Variants in NEK7 observed in about 807,000 individuals in gnomAD.
The protein encoded by NEK7 is NIMA related kinase 7.
In NEK7, 18 loss-of-function variants were observed where a neutral mutation model predicts 44.6. The ratio of observed to expected loss-of-function variants is 0.40; its 90% CI spans 0.28 to 0.60. NEK7 has a LOEUF of 0.60. NEK7 is among the 20% of genes least tolerant of loss of function. The pLI is 0.38. For missense variants in NEK7, 256 were observed against 366.5 expected, an observed-to-expected ratio of 0.70 and a Z score of 2.46; for synonymous variants, 130 against 121.1, an observed-to-expected ratio of 1.07 and a Z score of -0.48.
In NEK7 at chr1:198,253,123, A is replaced by C; in HGVS notation, c.141A>C (p.Glu47Asp). Reference protein sequence around the residue: ...EKKIGRGQFSEVYRAACLLDG... With the variant: ...EKKIGRGQFSDVYRAACLLDG... The stretch of plus-strand genomic sequence containing the variant: ...AAATTGGTCGCGGACAATTTAGTGA[A>C]GTTTATAGAGCAGCCTGTCTCTTGG... Residue 47 changes from glutamate (E) to aspartate (D), a missense_variant, in exon 3 of 10, where the codon GAA becomes GAC. Around this residue, in one of 3 missense-constraint regions of NEK7, gnomAD observed 96 missense variants for 94.9 expected, o/e 1.01. Coordinates refer to ENST00000367385, the MANE Select transcript of NEK7 (RefSeq NM_133494.3). 1 of 1,612,478 alleles carries C rather than the reference A, an allele frequency of 6.2e-7. No homozygotes were observed. Among genetic ancestry groups the C allele is most frequent in the Non-Finnish European group, 8.5e-7 (1 of 1,178,734 alleles).
At chr1:198,293,820 A>G (rs1326682651) in intron 8 of NEK7, among the ~76,000 whole-genome samples, 3 of 151,900 alleles carry the variant, frequency 2.0e-5, no homozygotes, top group African/African-American at 7.2e-5. Flanking sequence ...GTTTTAATAA[A>G]GTGAGGAAAT....
At chr1:198,214,896 A>G (rs1449953217) in intron 1 of NEK7, among the ~76,000 whole-genome samples, 2 of 152,150 alleles carry the variant, frequency 1.3e-5, no homozygotes, top group African/African-American at 4.8e-5. Context: ...CCTAAAGTCA[A>G]TGTGAAAAAA....
At chr1:198,261,667 T>C (rs1304265147) in intron 3 of NEK7, among the ~76,000 whole-genome samples, 5 of 151,968 alleles carry the variant, frequency 3.3e-5, no homozygotes. Flanking sequence ...TAGATTTTTT[T>C]TGCAGTCTCT....
intron 2 of NEK7, among the ~76,000 whole-genome samples, chr1:198,232,896 A>T (rs1666441296): frequency 6.7e-6 from 1 of 149,758 alleles, no homozygotes; most frequent in Non-Finnish European, 1.5e-5. Flanking sequence ...TATTTATTTT[A>T]ATTGATACAG....
intron 1 of NEK7, among the ~76,000 whole-genome samples, chr1:198,195,831 T>C (rs1016510729): frequency 6.6e-6 from 1 of 152,016 alleles, no homozygotes; most frequent in Non-Finnish European, 1.5e-5. Context: ...AAAAAGAAAT[T>C]TAACCCGAAT....
chr1:198,294,035 T>C (rs1057019884), intron 8 of NEK7, among the ~76,000 whole-genome samples: 7 of 151,884 alleles, frequency 4.6e-5, no homozygotes, highest in Non-Finnish European at 8.9e-5. Flanking sequence ...AGTAGAGCAT[T>C]AGGAGGTGTT....
At chr1:198,316,443 TG>T (rs1655369172) in intron 9 of NEK7, among the ~76,000 whole-genome samples, 1 of 152,202 alleles carries the variant, frequency 6.6e-6, no homozygotes, top group Non-Finnish European at 1.5e-5. Flanking sequence ...GTCAGCTGTG[TG>T]GGTATCGATA....
intron 9 of NEK7, among the ~76,000 whole-genome samples, chr1:198,302,287 A>G (rs181651706): frequency 6.6e-6 from 1 of 151,840 alleles, no homozygotes; most frequent in East Asian, 1.9e-4. Context: ...ACTAATAAAT[A>G]TATTTTGGTT....
chr1:198,217,677 C>T (rs1027182682), intron 1 of NEK7, among the ~76,000 whole-genome samples: 5 of 151,752 alleles, frequency 3.3e-5, no homozygotes, highest in Admixed American at 1.3e-4. Flanking sequence ...TGATCTTATA[C>T]CTAGAAAACC....
chr1:198,207,514 G>A (rs1665632843), intron 1 of NEK7, among the ~76,000 whole-genome samples: 1 of 152,138 alleles, frequency 6.6e-6, no homozygotes. Flanking sequence ...ATTCAATGGA[G>A]TAGTACTCAG....
At position 198,321,810 on chromosome 1, in the gene NEK7, A is replaced by G. The variant is rs1323887034; in HGVS notation, c.*2288A>G. The stretch of plus-strand genomic sequence containing the variant: ...CTCTAATTTATATAGTCACCTATAA[A>G]ATGTTCTTTATATGTGTTCATAAGT... On this transcript the variant is annotated 3_prime_UTR_variant, in exon 10 of 10. Transcript: ENST00000367385. 1 of 152,148 alleles carries G rather than the reference A, an allele frequency of 6.6e-6. No individual in the cohort carries two copies. The highest frequency in any genetic ancestry group is 1.5e-5 in the Non-Finnish European group (1 of 67,980). 9.4% of individuals were successfully genotyped at this position (152,148 alleles called of 1,614,324 possible). A position where few individuals can be genotyped will look rare whatever the true frequency, so the allele number is the denominator to read the frequency against.
intron 9 of NEK7, among the ~76,000 whole-genome samples, chr1:198,303,183 G>T (rs183104694): frequency 6.6e-6 from 1 of 152,064 alleles, no homozygotes; most frequent in Non-Finnish European, 1.5e-5. Flanking sequence ...ATACATTTGA[G>T]TATGAAAAAC....
intron 9 of NEK7, among the ~76,000 whole-genome samples, chr1:198,310,094 C>G (rs1160856700): frequency 9.2e-5 from 14 of 152,064 alleles, no homozygotes; most frequent in Non-Finnish European, 1.5e-4. Context: ...TCCACATCCT[C>G]TCCAGCACCT....
chr1:198,292,605 T>A (rs548679533), intron 7 of NEK7, among the ~76,000 whole-genome samples: 11 of 152,110 alleles, frequency 7.2e-5, no homozygotes, highest in African/African-American at 2.4e-4. Flanking sequence ...CAAGCCATAT[T>A]TTTTTAAAAA....
At chr1:198,240,688 A>AT (rs869171221) in intron 2 of NEK7, among the ~76,000 whole-genome samples, 1 of 146,932 alleles carries the variant, frequency 6.8e-6, no homozygotes, top group African/African-American at 2.5e-5. Flanking sequence ...TAAACCAATA[A>AT]TTTTTTTGTT....
At chr1:198,235,504 G>A (rs1666523458) in intron 2 of NEK7, among the ~76,000 whole-genome samples, 1 of 151,994 alleles carries the variant, frequency 6.6e-6, no homozygotes, top group African/African-American at 2.4e-5. Flanking sequence ...TTTTGGAACA[G>A]TGGATTTAGC....
At chr1:198,229,430 C>T (rs1666322426) in intron 1 of NEK7, among the ~76,000 whole-genome samples, 1 of 152,184 alleles carries the variant, frequency 6.6e-6, no homozygotes, top group Non-Finnish European at 1.5e-5. Flanking sequence ...GAGAGGGGGT[C>T]AGGGGAACCC....
At chr1:198,229,979 G>T (rs1388191745) in intron 1 of NEK7, among the ~76,000 whole-genome samples, 1 of 152,036 alleles carries the variant, frequency 6.6e-6, no homozygotes, top group Non-Finnish European at 1.5e-5. Context: ...GTCTTCTTTG[G>T]ATCAGTCAGA....
At chr1:198,189,307 C>G (rs1343806843) in intron 1 of NEK7, among the ~76,000 whole-genome samples, 2 of 152,118 alleles carry the variant, frequency 1.3e-5, no homozygotes, top group Non-Finnish European at 2.9e-5. Context: ...GAACTGACAT[C>G]TTACAATTAG....
Sources: allele counts gnomAD v4.1 joint callset (sites outside exome capture counted in the v4.1 genomes callset), GRCh38; gene constraint gnomAD v4.1.1; regional missense constraint gnomAD v4.1.1; transcripts MANE v1.5; gene names NCBI Gene and HGNC (gene_info 2026-07-23, HGNC 2026-07-21).